Variants in SEMA3A observed in about 807,000 individuals in gnomAD.
SEMA3A encodes semaphorin-3A.
SEMA3A carries 29 observed loss-of-function variants against 97.9 expected under a neutral mutation model. The observed-to-expected ratio is 0.30, with a 90% confidence interval of 0.22 to 0.40. SEMA3A has a LOEUF of 0.40. Ranked by LOEUF, SEMA3A falls within the 10% of genes least tolerant of loss-of-function variation. The pLI, the probability that SEMA3A is intolerant of heterozygous loss-of-function variation, is 1.00. For missense variants in SEMA3A, 763 were observed against 951.3 expected (o/e 0.80, Z 2.60); for synonymous variants, 321 against 323.7 (o/e 0.99, Z 0.09).
chr7:84,196,542 A>T (rs1022292803), upstream of SEMA3A, among the ~76,000 whole-genome samples: 1 of 152,204 alleles, frequency 6.6e-6, no homozygotes, highest in Non-Finnish European at 1.5e-5. Context: ...TGTATTTGTC[A>T]GTTTCCTCAA....
chr7:84,425,188 T>A (rs1041454510), intron 1 of SEMA3A, among the ~76,000 whole-genome samples: 106 of 114,892 alleles, frequency 9.2e-4, no homozygotes, highest in African/African-American at 3.3e-3. Context: ...TACGCATATA[T>A]TTACATAAAT....
chr7:84,056,117 G>C (rs1792964398), intron 5 of SEMA3A, among the ~76,000 whole-genome samples: 1 of 150,388 alleles, frequency 6.6e-6, no homozygotes, highest in African/African-American at 2.4e-5. Flanking sequence ...CTATCATTCA[G>C]AAACTGTCAA....
intron 14 of SEMA3A, among the ~76,000 whole-genome samples, chr7:83,980,823 G>A (rs1406260709): frequency 2.6e-5 from 4 of 151,534 alleles, no homozygotes; most frequent in African/African-American, 4.8e-5. Flanking sequence ...ACAAATAGAC[G>A]TATTTTGTGA....
At chr7:84,029,441 C>T (rs568151060) in intron 6 of SEMA3A, among the ~76,000 whole-genome samples, 13 of 151,980 alleles carry the variant, frequency 8.6e-5, no homozygotes, top group Non-Finnish European at 1.5e-4. Flanking sequence ...AATATGGATT[C>T]GAAGGATTTC....
At chr7:84,245,243 G>A (rs1799452429) in intron 3 of SEMA3A, among the ~76,000 whole-genome samples, 1 of 151,994 alleles carries the variant, frequency 6.6e-6, no homozygotes, top group Non-Finnish European at 1.5e-5. Context: ...ATACAGCTTT[G>A]ATCTTTTCAC....
intron 3 of SEMA3A, among the ~76,000 whole-genome samples, chr7:84,224,740 G>GTGTGATT (rs1798951494): frequency 6.6e-6 from 1 of 152,006 alleles, no homozygotes; most frequent in Non-Finnish European, 1.5e-5. Context: ...TGGGAAGTAG[G>GTGTGATT]TGTGATTTCA....
intron 15 of SEMA3A, among the ~76,000 whole-genome samples, 184 bp downstream of exon 15, chr7:83,976,948 T>C (rs1302144947): frequency 2.6e-5 from 4 of 152,168 alleles, no homozygotes; most frequent in African/African-American, 7.2e-5. Flanking sequence ...TAATTTATGA[T>C]AATAAAACAT....
intron 4 of SEMA3A, among the ~76,000 whole-genome samples, chr7:84,104,717 A>C (rs1223879969): frequency 6.6e-6 from 1 of 152,124 alleles, no homozygotes; most frequent in Admixed American, 6.6e-5. Context: ...TAATTTTGAG[A>C]AATAGTCTTA....
chr7:84,465,192 T>C (rs1274827040), intron 1 of SEMA3A, among the ~76,000 whole-genome samples: 8 of 152,194 alleles, frequency 5.3e-5, no homozygotes, highest in Admixed American at 5.2e-4. Context: ...AGGAAGATTA[T>C]ATACAACCAG....
chr7:84,212,138 C>A (rs915052981), intron 3 of SEMA3A, among the ~76,000 whole-genome samples: 3 of 152,114 alleles, frequency 2.0e-5, no homozygotes, highest in African/African-American at 7.2e-5. Context: ...GAAAAAGAAA[C>A]CACATTGCAG....
chr7:83,989,973 G>T (rs1367111743), intron 12 of SEMA3A, among the ~76,000 whole-genome samples: 1 of 151,892 alleles, frequency 6.6e-6, no homozygotes, highest in Non-Finnish European at 1.5e-5. Flanking sequence ...ATCCTCTCCA[G>T]CACCTGTTGT....
chr7:84,364,122 C>T (rs1036476098), intron 2 of SEMA3A, among the ~76,000 whole-genome samples: 5 of 151,468 alleles, frequency 3.3e-5, no homozygotes, highest in Non-Finnish European at 7.4e-5. Context: ...TGTTAAATGA[C>T]ATAATAAATA....
At chr7:84,169,410 T>C in intron 1 of SEMA3A, among the ~76,000 whole-genome samples, 1 of 150,766 alleles carries the variant, frequency 6.6e-6, no homozygotes, top group East Asian at 1.9e-4. Flanking sequence ...GTGTAGATAA[T>C]CATTTATGTA....
intron 1 of SEMA3A, among the ~76,000 whole-genome samples, chr7:84,446,428 A>C (rs1384988565): frequency 6.6e-6 from 1 of 152,202 alleles, no homozygotes; most frequent in Non-Finnish European, 1.5e-5. Context: ...TCAACAAAAT[A>C]CTAGCAAACT....
At chr7:84,425,853 AAC>A (rs368734761) in intron 1 of SEMA3A, among the ~76,000 whole-genome samples, 180 of 110,338 alleles carry the variant, frequency 1.6e-3, no homozygotes, top group East Asian at 2.0e-3. Flanking sequence ...ATGTTTATAT[AAC>A]ACACACACAC....
intron 3 of SEMA3A, among the ~76,000 whole-genome samples, chr7:84,248,553 A>G (rs1799527558): frequency 6.6e-6 from 1 of 151,910 alleles, no homozygotes. Flanking sequence ...CCTCTACAAT[A>G]TGTCTCTATT....
chr7:84,029,725 A>G (rs1791668960), intron 6 of SEMA3A, among the ~76,000 whole-genome samples: 1 of 152,096 alleles, frequency 6.6e-6, no homozygotes, highest in South Asian at 2.1e-4. Flanking sequence ...AATATCTGAT[A>G]TAATTTCATT....
At chr7:84,085,309 G>T (rs761130542) in intron 4 of SEMA3A, among the ~76,000 whole-genome samples, 54 of 151,732 alleles carry the variant, frequency 3.6e-4, no homozygotes, top group Non-Finnish European at 5.3e-4. Context: ...GATGAGTGGG[G>T]GTGTCATAGG....
At chr7:84,004,358 T>C (rs11979659) in intron 11 of SEMA3A, among the ~76,000 whole-genome samples, 36,468 of 152,024 alleles carry the variant, frequency 0.24, 4,529 homozygotes, top group South Asian at 0.31. Context: ...TTAGTAAAAG[T>C]GAATTGTTAA....
Sources: gnomAD v4.1 joint callset for allele counts (sites outside exome capture counted in the v4.1 genomes callset) on GRCh38, gnomAD v4.1.1 for gene constraint, MANE v1.5 for transcripts, NCBI Gene and HGNC (gene_info 2026-07-23, HGNC 2026-07-21) for gene names.